Variants in KLHDC1 observed in about 807,000 individuals in gnomAD.
KLHDC1 encodes kelch domain-containing protein 1.
Under a neutral mutation model 68.3 loss-of-function variants are expected in KLHDC1, and 53 were observed. That is an observed-to-expected ratio of 0.78 (90% CI 0.62 to 0.98). KLHDC1 has a LOEUF of 0.98. KLHDC1 is among the 50% of genes least tolerant of loss of function. The pLI is 0.00. For missense variants in KLHDC1, 470 were observed against 492.3 expected (o/e 0.95, Z 0.43); for synonymous variants, 148 against 159.0 (o/e 0.93, Z 0.52).
At chr14:49,712,042 C>T (rs931095504) in intron 4 of KLHDC1, among the ~76,000 whole-genome samples, 1 of 151,058 alleles carries the variant, frequency 6.6e-6, no homozygotes, top group South Asian at 2.1e-4. Context: ...CTCAGCCTCC[C>T]GAGTAGCTGG....
chr14:49,722,080 A>C (rs79052443), intron 4 of KLHDC1, among the ~76,000 whole-genome samples: 4 of 152,176 alleles, frequency 2.6e-5, no homozygotes, highest in Non-Finnish European at 4.4e-5. Flanking sequence ...GATTATGCGA[A>C]AGAGTTAAGG....
At chr14:49,720,554 T>TC in intron 4 of KLHDC1, among the ~76,000 whole-genome samples, 2 of 152,294 alleles carry the variant, frequency 1.3e-5, no homozygotes, top group African/African-American at 4.8e-5. Flanking sequence ...GGTGTGTAGT[T>TC]CCTTTGTATT....
chr14:49,714,459 C>T (rs147259105), intron 4 of KLHDC1, among the ~76,000 whole-genome samples: 61 of 150,846 alleles, frequency 4.0e-4, no homozygotes, highest in African/African-American at 1.3e-3. Flanking sequence ...GGTAACAGAG[C>T]GAGACTCTGT....
chr14:49,712,798 C>T lies in KLHDC1; in HGVS notation c.404+2417C>T, dbSNP rs889375324. Among the ~76,000 whole-genome samples the T allele has an allele frequency of 1.8e-4, 27 of 152,156 alleles. 1 individual carries two copies. Among genetic ancestry groups the T allele is most frequent in the Non-Finnish European group, 3.4e-4 (23 of 67,980 alleles). On this transcript the variant is annotated intron_variant, in intron 4 of 12. Coordinates refer to ENST00000359332, the MANE Select transcript of KLHDC1 (RefSeq NM_172193.3). ...GATTACAGGCATGAGCCGCCACACC[C>T]GGCTTAATTTTTGTGTTGTTCAGTA...
chr14:49,717,406 A>G (rs1044732083), intron 4 of KLHDC1, among the ~76,000 whole-genome samples: 1 of 152,148 alleles, frequency 6.6e-6, no homozygotes, highest in African/African-American at 2.4e-5. Context: ...TTTTAATAAT[A>G]GTTATACTAG....
intron 11 of KLHDC1, among the ~76,000 whole-genome samples, chr14:49,742,522 A>C (rs182156924): frequency 6.6e-6 from 1 of 152,252 alleles, no homozygotes; most frequent in Non-Finnish European, 1.5e-5. Context: ...AATTACAAAA[A>C]TTAGCCAGGA....
chr14:49,713,980 G>A (rs1888302761), intron 4 of KLHDC1, among the ~76,000 whole-genome samples: 1 of 147,114 alleles, frequency 6.8e-6, no homozygotes, highest in African/African-American at 2.5e-5. Flanking sequence ...CCAAGTAGCT[G>A]GGATTACAGG....
intron 4 of KLHDC1, among the ~76,000 whole-genome samples, chr14:49,723,182 A>G (rs1268718109): frequency 1.3e-5 from 2 of 151,386 alleles, no homozygotes; most frequent in African/African-American, 2.4e-5. Flanking sequence ...ACCTGTCCTC[A>G]TGATTCAATT....
At chr14:49,707,321 AT>A (rs1888078531) in intron 1 of KLHDC1, among the ~76,000 whole-genome samples, 2 of 144,168 alleles carry the variant, frequency 1.4e-5, no homozygotes, top group African/African-American at 5.2e-5. Flanking sequence ...AGAGAGAGAC[AT>A]GGTAGACAAG....
intron 4 of KLHDC1, among the ~76,000 whole-genome samples, chr14:49,715,800 G>A (rs1217192687): frequency 4.5e-5 from 6 of 134,596 alleles, no homozygotes; most frequent in African/African-American, 1.4e-4. Context: ...ATAAAACATA[G>A]CCTTACCTTT....
At chr14:49,728,874 T>A in intron 6 of KLHDC1, 52 bp from the exon 7 acceptor site, 4 of 1,249,730 alleles carry the variant, frequency 3.2e-6, no homozygotes, top group Non-Finnish European at 4.7e-6. Context: ...GGAATGTAAC[T>A]TTATTACAGA....
chr14:49,729,868 G>A (rs34090127), intron 8 of KLHDC1, among the ~76,000 whole-genome samples: 13,629 of 152,086 alleles, frequency 0.09, 888 homozygotes, highest in Admixed American at 0.21. Flanking sequence ...GAGTAAAGTC[G>A]GATTTTATTT....
At chr14:49,721,277 A>G (rs1379444382) in intron 4 of KLHDC1, among the ~76,000 whole-genome samples, 2 of 151,928 alleles carry the variant, frequency 1.3e-5, no homozygotes, top group African/African-American at 2.4e-5. Flanking sequence ...AGTTCAAGCA[A>G]TCTTCCCACC....
At chr14:49,724,134 G>A (rs1888608214) in intron 5 of KLHDC1, among the ~76,000 whole-genome samples, 182 bp downstream of exon 5, 1 of 152,046 alleles carries the variant, frequency 6.6e-6, no homozygotes, top group Non-Finnish European at 1.5e-5. Context: ...TCTCTCTAGT[G>A]GTATTAGCCT....
intron 4 of KLHDC1, among the ~76,000 whole-genome samples, chr14:49,712,652 C>T (rs764276988): frequency 1.3e-5 from 2 of 152,016 alleles, no homozygotes; most frequent in Non-Finnish European, 2.9e-5. Context: ...CAGGCATGTG[C>T]CACCATGCCT....
chr14:49,735,372 A>C (rs1468919278), intron 10 of KLHDC1, among the ~76,000 whole-genome samples: 1 of 152,040 alleles, frequency 6.6e-6, no homozygotes, highest in East Asian at 1.9e-4. Context: ...AGAATTTTAA[A>C]AATACAGATT....
intron 4 of KLHDC1, among the ~76,000 whole-genome samples, chr14:49,722,450 C>A (rs944454388): frequency 1.3e-5 from 2 of 152,082 alleles, no homozygotes; most frequent in Non-Finnish European, 2.9e-5. Context: ...TGAACTCATC[C>A]TTTTTTATGG....
chr14:49,737,864 C>CAAAAA (rs760826908), intron 10 of KLHDC1, among the ~76,000 whole-genome samples: 1 of 50,254 alleles, frequency 2.0e-5, no homozygotes, highest in Non-Finnish European at 4.0e-5. Flanking sequence ...GATCCTGTCT[C>CAAAAA]AAAAAAAAAA....
intron 4 of KLHDC1, among the ~76,000 whole-genome samples, chr14:49,713,333 G>A (rs1412749562): frequency 6.6e-6 from 1 of 152,054 alleles, no homozygotes; most frequent in African/African-American, 2.4e-5. Flanking sequence ...GATGATTGCT[G>A]CCTAGATCCA....
Sources: gnomAD v4.1 joint callset for allele counts (sites outside exome capture counted in the v4.1 genomes callset) on GRCh38, gnomAD v4.1.1 for gene constraint, MANE v1.5 for transcripts, NCBI Gene and HGNC (gene_info 2026-07-23, HGNC 2026-07-21) for gene names.